The following SLC30A8 variants were observed in gnomAD, a reference collection of about 807,000 sequenced individuals.
The protein encoded by SLC30A8 is proton-coupled zinc antiporter SLC30A8.
SLC30A8 carries 27 observed loss-of-function variants against 36.9 expected under a neutral mutation model. That is an observed-to-expected ratio of 0.73 (90% CI 0.54 to 1.01). SLC30A8 has a LOEUF of 1.01. Ranked by LOEUF, SLC30A8 falls within the 50% of genes least tolerant of loss-of-function variation. SLC30A8 has a pLI of 0.00. For missense variants in SLC30A8, 439 were observed against 452.0 expected (o/e 0.97, Z 0.26); for synonymous variants, 164 against 172.4 (o/e 0.95, Z 0.38).
chr8:117,025,551 C>T (rs999843483), intron 1 of SLC30A8, among the ~76,000 whole-genome samples: 25 of 152,146 alleles, frequency 1.6e-4, no homozygotes, highest in African/African-American at 5.6e-4. Context: ...ACAATGACAG[C>T]GCTATTCTCC....
At chr8:117,041,912 T>C (rs901225200) in intron 2 of SLC30A8, among the ~76,000 whole-genome samples, 3 of 152,164 alleles carry the variant, frequency 2.0e-5, no homozygotes, top group Non-Finnish European at 4.4e-5. Context: ...AGCTAAAATA[T>C]TGGCCAATGA....
chr8:117,043,070 C>G (rs925262403), intron 2 of SLC30A8, among the ~76,000 whole-genome samples: 1 of 152,184 alleles, frequency 6.6e-6, no homozygotes, highest in South Asian at 2.1e-4. Context: ...AGAAACCCTG[C>G]AGGATATCAA....
intron 4 of SLC30A8, 40 bp downstream of exon 4, chr8:117,157,884 T>C (rs761464230): frequency 6.2e-6 from 10 of 1,606,660 alleles, no homozygotes; most frequent in Non-Finnish European, 5.1e-6. Context: ...CTCATGAGGC[T>C]CTCCTGTAAC....
intron 2 of SLC30A8, among the ~76,000 whole-genome samples, chr8:117,045,103 G>T (rs1450319628): frequency 6.6e-6 from 1 of 152,160 alleles, no homozygotes; most frequent in Non-Finnish European, 1.5e-5. Context: ...TCCTTTCAGC[G>T]GTGTAACTGG....
chr8:117,158,951 C>A (rs1048474874), intron 4 of SLC30A8, among the ~76,000 whole-genome samples: 4 of 152,166 alleles, frequency 2.6e-5, no homozygotes, highest in Non-Finnish European at 5.9e-5. Flanking sequence ...GGAAATTATC[C>A]TTGATTATCC....
chr8:117,108,657 CAGAT>C (rs1820100109), intron 2 of SLC30A8, among the ~76,000 whole-genome samples: 1 of 152,160 alleles, frequency 6.6e-6, no homozygotes, highest in Admixed American at 6.5e-5. Flanking sequence ...TTCTTAGTGA[CAGAT>C]AGAGGACTTC....
chr8:117,162,947 GAAAT>G (rs1316896320), intron 5 of SLC30A8, among the ~76,000 whole-genome samples: 1 of 152,214 alleles, frequency 6.6e-6, no homozygotes, highest in Non-Finnish European at 1.5e-5. Flanking sequence ...GAGAGGCAAA[GAAAT>G]AAACTCACTC....
chr8:116,995,565 C>T (rs1815786438), intron 1 of SLC30A8, among the ~76,000 whole-genome samples: 1 of 151,992 alleles, frequency 6.6e-6, no homozygotes, highest in African/African-American at 2.4e-5. Flanking sequence ...CTGTTGGTGA[C>T]TTGTATGAGC....
Position 117,020,588 on chromosome 8 carries a change from A to G in SLC30A8, c.-265-18631A>G, listed in dbSNP as rs150421258. 2.0e-5 allele frequency among the ~76,000 whole-genome samples: 3 copies of G among 152,338 alleles called. 1 individual carries two copies. In the East Asian group the frequency reaches 5.8e-4, roughly 29 times the overall value. ...ATATATGCAGAAGAATATTTAGTGC[A>G]CCATTGCTGTGAAAAAAAGAACAGG... On this transcript the variant is annotated intron_variant, in intron 1 of 10. Transcript: ENST00000427715.
At chr8:117,014,604 G>A (rs1053553153) in intron 1 of SLC30A8, among the ~76,000 whole-genome samples, 16 of 152,178 alleles carry the variant, frequency 1.1e-4, no homozygotes, top group African/African-American at 3.4e-4. Flanking sequence ...TGCAAAACAA[G>A]TACGTAGTGT....
intron 2 of SLC30A8, among the ~76,000 whole-genome samples, chr8:117,095,261 A>G (rs1184549419): frequency 1.3e-5 from 2 of 152,136 alleles, no homozygotes; most frequent in Admixed American, 6.5e-5. Context: ...GCTGTCATCA[A>G]TACTAGTCGG....
At chr8:117,012,531 A>G (rs529641976) in intron 1 of SLC30A8, among the ~76,000 whole-genome samples, 62 of 152,116 alleles carry the variant, frequency 4.1e-4, no homozygotes, top group Non-Finnish European at 8.4e-4. Context: ...GGTATTGTGT[A>G]TAATCTAGAG....
intron 1 of SLC30A8, among the ~76,000 whole-genome samples, chr8:117,011,700 T>C (rs796178487): frequency 1.9e-4 from 29 of 152,274 alleles, no homozygotes; most frequent in African/African-American, 6.7e-4. Flanking sequence ...TTGGACCTCT[T>C]TGGGAAAAAG....
At chr8:116,960,192 G>C (rs1814369988) in intron 1 of SLC30A8, among the ~76,000 whole-genome samples, 1 of 152,196 alleles carries the variant, frequency 6.6e-6, no homozygotes, top group Admixed American at 6.5e-5. Flanking sequence ...AATGTATGTA[G>C]CCCTAGCTGA....
Position 117,157,979 on chromosome 8 carries a change from T to C in SLC30A8, c.572+135T>C, listed in dbSNP as rs539064137. 1,032 of 983,164 alleles carry C rather than the reference T, an allele frequency of 1.0e-3. 2 individuals are homozygous for C. Among genetic ancestry groups the C allele is most frequent in the Non-Finnish European group, 1.1e-3 (783 of 687,306 alleles). The allele number at this position is 983,164 out of a possible 1,614,324, so 60.9% of individuals were successfully genotyped here. A position where few individuals can be genotyped will look rare whatever the true frequency, so the allele number is the denominator to read the frequency against. Reference sequence around the variant, plus strand: ...ACAGAGTGTTTGAATGGCTCTAAGATTGAAAATAAGGTTGACTGCTTTCGT... The same window carrying C: ...ACAGAGTGTTTGAATGGCTCTAAGACTGAAAATAAGGTTGACTGCTTTCGT... On this transcript the variant is annotated intron_variant, in intron 4 of 7. Coordinates refer to ENST00000456015, the MANE Select transcript of SLC30A8 (RefSeq NM_173851.3).
At chr8:117,101,980 C>A (rs114464939) in intron 2 of SLC30A8, among the ~76,000 whole-genome samples, 1,765 of 152,216 alleles carry the variant, frequency 0.012, 31 homozygotes, top group African/African-American at 0.041. Context: ...AGAACCCTGA[C>A]TAATACATAT....
In SLC30A8 at chr8:117,175,734, C is replaced by T. The variant is rs2129817626; in HGVS notation, c.*3053C>T. On this transcript the variant is annotated 3_prime_UTR_variant, in exon 8 of 8. Transcript: ENST00000456015. ...GAGTGGGCACAGAATTTTAAATCATCTCAACTTTTGAGAAATTTTGAGTTA... is the reference window on the plus strand; with the variant it reads ...GAGTGGGCACAGAATTTTAAATCATTTCAACTTTTGAGAAATTTTGAGTTA... 1 of 152,152 alleles carries T rather than the reference C, an allele frequency of 6.6e-6. No individual in the cohort carries two copies. The highest frequency in any genetic ancestry group is 1.5e-5 in the Non-Finnish European group (1 of 67,986). The allele number at this position is 152,152 out of a possible 1,614,324, so 9.4% of individuals were successfully genotyped here. A position where few individuals can be genotyped will look rare whatever the true frequency, so the allele number is the denominator to read the frequency against.
At chr8:117,163,119 A>G (rs1310476396) in intron 5 of SLC30A8, among the ~76,000 whole-genome samples, 2 of 152,230 alleles carry the variant, frequency 1.3e-5, no homozygotes, top group Non-Finnish European at 2.9e-5. Context: ...TACTTTTATT[A>G]ATCTGCAAGA....
intron 1 of SLC30A8, among the ~76,000 whole-genome samples, chr8:117,013,514 A>G (rs1318088270): frequency 1.4e-4 from 22 of 152,166 alleles, no homozygotes; most frequent in Admixed American, 1.4e-3. Context: ...ATGTGGAAGT[A>G]AAAAAGAAAA....
Sources: gnomAD v4.1 joint callset for allele counts (sites outside exome capture counted in the v4.1 genomes callset) on GRCh38, gnomAD v4.1.1 for gene constraint, MANE v1.5 for transcripts, NCBI Gene and HGNC (gene_info 2026-07-23, HGNC 2026-07-21) for gene names.